The following AKAP19 variants were observed in gnomAD, a reference collection of about 807,000 sequenced individuals.
The protein encoded by AKAP19 is A-kinase anchoring protein 19.
the AKAP19 span, chr2:190,057,243 C>G: frequency 2.5e-6 from 4 of 1,612,718 alleles, no homozygotes; most frequent in Non-Finnish European, 3.4e-6. Flanking sequence ...AAGTTATGAA[C>G]GCTTAATATA....
At chr2:189,920,214 C>T in the AKAP19 span, among the ~76,000 whole-genome samples, 2 of 152,176 alleles carry the variant, frequency 1.3e-5, no homozygotes, top group Non-Finnish European at 1.5e-5. Context: ...GTATTCTTCT[C>T]TCATGGAGTC....
chr2:190,170,733 A>G, the AKAP19 span, among the ~76,000 whole-genome samples: 51 of 152,244 alleles, frequency 3.3e-4, 1 homozygote, highest in Non-Finnish European at 3.4e-4. Flanking sequence ...TTCACATGTA[A>G]TCTCAAATTG....
chr2:190,038,379 A>T, the AKAP19 span, among the ~76,000 whole-genome samples: 6 of 152,294 alleles, frequency 3.9e-5, no homozygotes, highest in South Asian at 4.1e-4. Context: ...AGAGGTCAGG[A>T]TCTAGTGTAG....
the AKAP19 span, among the ~76,000 whole-genome samples, chr2:189,903,529 A>C: frequency 1.3e-5 from 2 of 152,056 alleles, no homozygotes; most frequent in South Asian, 4.1e-4. Flanking sequence ...CATTAGATTC[A>C]GTAAATATTT....
the AKAP19 span, among the ~76,000 whole-genome samples, chr2:189,968,322 C>G: frequency 7.9e-5 from 12 of 152,230 alleles, 1 homozygote; most frequent in East Asian, 1.7e-3. Flanking sequence ...TCTTTAGCCT[C>G]AAATTCCTGG....
the AKAP19 span, among the ~76,000 whole-genome samples, chr2:190,041,151 T>C: frequency 3.3e-5 from 5 of 152,228 alleles, no homozygotes; most frequent in Non-Finnish European, 7.3e-5. Flanking sequence ...TTCCTACCCA[T>C]GAGCATGGGA....
At chr2:190,094,859 A>C in the AKAP19 span, among the ~76,000 whole-genome samples, 1 of 152,244 alleles carries the variant, frequency 6.6e-6, no homozygotes, top group African/African-American at 2.4e-5. Flanking sequence ...TGATTACTTT[A>C]TCTGGATATG....
At chr2:189,974,494 T>G in the AKAP19 span, among the ~76,000 whole-genome samples, 1,049 of 152,252 alleles carry the variant, frequency 6.9e-3, 7 homozygotes, top group African/African-American at 0.024. Flanking sequence ...GTCTATGAGG[T>G]CTGCTTGGTG....
At chr2:190,180,408 G>C in the AKAP19 span, 1 of 931,992 alleles carries the variant, frequency 1.1e-6, no homozygotes, top group Non-Finnish European at 1.3e-6. This position sits in a 1 kb window ranked among gnomAD's most constrained non-coding sequence, Gnocchi z 6.8. Flanking sequence ...CACCAGGGCG[G>C]AGCTCAGGAG....
chr2:190,010,800 G>A, the AKAP19 span, among the ~76,000 whole-genome samples: 2 of 152,092 alleles, frequency 1.3e-5, no homozygotes, highest in Non-Finnish European at 2.9e-5. Context: ...GTAATGCTAT[G>A]ATAGATGTAT....
chr2:189,890,328 G>A, the AKAP19 span, among the ~76,000 whole-genome samples: 1 of 151,954 alleles, frequency 6.6e-6, no homozygotes, highest in Admixed American at 6.6e-5. Context: ...TTCCTGAGGA[G>A]TGTTTTCTAA....
the AKAP19 span, among the ~76,000 whole-genome samples, chr2:189,996,184 T>C: frequency 6.6e-6 from 1 of 152,236 alleles, no homozygotes; most frequent in South Asian, 2.1e-4. Flanking sequence ...TTCTCTCAAA[T>C]AAGTTTTCCA....
chr2:190,017,699 T>C, the AKAP19 span, among the ~76,000 whole-genome samples: 4 of 152,200 alleles, frequency 2.6e-5, no homozygotes, highest in Non-Finnish European at 4.4e-5. Flanking sequence ...ACACCACTAT[T>C]ACAGTCCTAG....
chr2:189,930,758 C>G, the AKAP19 span: 22 of 712,300 alleles, frequency 3.1e-5, no homozygotes, highest in South Asian at 3.2e-4. Flanking sequence ...ATCTGTTTTA[C>G]TGATCCATCT....
At chr2:189,901,208 T>C in the AKAP19 span, among the ~76,000 whole-genome samples, 1 of 152,212 alleles carries the variant, frequency 6.6e-6, no homozygotes, top group African/African-American at 2.4e-5. Flanking sequence ...TGTAGATGTT[T>C]TGGGGTTTTT....
the AKAP19 span, among the ~76,000 whole-genome samples, chr2:190,003,830 G>A: frequency 1.5e-4 from 23 of 151,882 alleles, no homozygotes; most frequent in African/African-American, 3.6e-4. Context: ...TCATGCCACC[G>A]CACTCCAGCC....
At chr2:190,003,485 A>G in the AKAP19 span, among the ~76,000 whole-genome samples, 1 of 152,138 alleles carries the variant, frequency 6.6e-6, no homozygotes, top group East Asian at 1.9e-4. Context: ...TAATATACCT[A>G]TTTAACATTG....
the AKAP19 span, among the ~76,000 whole-genome samples, chr2:189,916,520 C>G: frequency 6.6e-6 from 1 of 151,958 alleles, no homozygotes; most frequent in Non-Finnish European, 1.5e-5. Flanking sequence ...TGGGGTTTCA[C>G]TATGTTGGCC....
At chr2:190,109,521 G>A in the AKAP19 span, among the ~76,000 whole-genome samples, 1 of 152,034 alleles carries the variant, frequency 6.6e-6, no homozygotes, top group East Asian at 1.9e-4. Flanking sequence ...TGCTGGGGAT[G>A]GTGCTCCACC....
Sources: gnomAD v4.1 joint callset for allele counts (sites outside exome capture counted in the v4.1 genomes callset) on GRCh38, gnomAD v4.1.1 for gene constraint, Gnocchi (gnomAD v3.1) non-coding constraint, MANE v1.5 for transcripts, NCBI Gene and HGNC (gene_info 2026-07-23, HGNC 2026-07-21) for gene names.